RUNX1: variants seen among roughly 807,000 people sequenced by gnomAD.
RUNX1 encodes RUNX family transcription factor 1.
In RUNX1, 19 loss-of-function variants were observed where a neutral mutation model predicts 42.8. That is an observed-to-expected ratio of 0.44 (90% CI 0.31 to 0.65). RUNX1 has a LOEUF of 0.65. Among genes scored for constraint, RUNX1 ranks in the 30% least tolerant of loss-of-function variants. The probability of loss-of-function intolerance (pLI) is 0.07; values close to 1 mark genes in which losing one functional copy is unlikely to be tolerated. For missense variants in RUNX1, 528 were observed against 672.0 expected (o/e 0.79, Z 2.37); for synonymous variants, 271 against 289.4 (o/e 0.94, Z 0.64).
chr21:34,884,714 C>A (rs2057955094), intron 4 of RUNX1, among the ~76,000 whole-genome samples: 1 of 152,226 alleles, frequency 6.6e-6, no homozygotes, highest in Admixed American at 6.5e-5. Flanking sequence ...GAGCAGGTCT[C>A]CTCCAGGAAG....
chr21:34,797,361 C>T (rs1176684154), intron 8 of RUNX1, among the ~76,000 whole-genome samples: 2 of 152,196 alleles, frequency 1.3e-5, no homozygotes, highest in African/African-American at 4.8e-5. Context: ...CTTTGGAGTG[C>T]ACATGTTACT....
intron 2 of RUNX1, among the ~76,000 whole-genome samples, chr21:34,940,993 C>G (rs1381640873): frequency 1.3e-5 from 2 of 152,224 alleles, no homozygotes; most frequent in Non-Finnish European, 2.9e-5. Context: ...TTGTCACTGC[C>G]ATAGAAGAAT....
chr21:34,980,482 T>C (rs1365316654), intron 2 of RUNX1, among the ~76,000 whole-genome samples: 1 of 152,198 alleles, frequency 6.6e-6, no homozygotes, highest in Non-Finnish European at 1.5e-5. Flanking sequence ...GGCTTCACAC[T>C]TTTCCCGAAA....
At chr21:34,988,326 C>T (rs935343547) in intron 2 of RUNX1, among the ~76,000 whole-genome samples, 10 of 152,142 alleles carry the variant, frequency 6.6e-5, no homozygotes, top group Admixed American at 3.9e-4. Context: ...GCTGCACTTT[C>T]GAGGACACCA....
In RUNX1 at chr21:34,907,621, T is replaced by TGA. The variant is rs2058233652; in HGVS notation, c.59-14659_59-14658insTC. 6.6e-6 allele frequency among the ~76,000 whole-genome samples: 1 copy of TGA among 152,172 alleles called. No homozygotes were observed. Among genetic ancestry groups the TGA allele is most frequent in the Non-Finnish European group, 1.5e-5 (1 of 68,028 alleles). On this transcript the variant is annotated intron_variant, in intron 2 of 8. Coordinates refer to ENST00000675419, the MANE Select transcript of RUNX1 (RefSeq NM_001754.5). This position sits in a 1 kb window ranked among gnomAD's most constrained non-coding sequence, Gnocchi z 5.3. ...GGCTCCCTGTGACTCTCTGAAGTTC[T>TGA]CCTTTCTGTGCCTCCGCTTCCACCT... is the stretch of plus-strand genomic sequence containing the variant.
chr21:34,804,161 C>T (rs1034956544), intron 7 of RUNX1, among the ~76,000 whole-genome samples: 2 of 152,176 alleles, frequency 1.3e-5, no homozygotes, highest in African/African-American at 4.8e-5. Context: ...GATGAGAACA[C>T]TTAATGGTGA....
chr21:34,872,699 A>C (rs953586188), intron 5 of RUNX1, among the ~76,000 whole-genome samples: 1 of 152,180 alleles, frequency 6.6e-6, no homozygotes, highest in African/African-American at 2.4e-5. Context: ...CTGGAGCTAG[A>C]TGAGTTTCTC....
At chr21:34,950,774 C>T (rs1416313413) in intron 2 of RUNX1, among the ~76,000 whole-genome samples, 3 of 152,178 alleles carry the variant, frequency 2.0e-5, no homozygotes, top group African/African-American at 7.2e-5. Flanking sequence ...GACTTAGTTA[C>T]ATTTCAGAGA....
rs539914175 is a variant in RUNX1 at position 34,821,328 on chromosome 21, G to A, written c.805+13082C>T. 5.3e-5 allele frequency: 61 copies of A among 1,158,362 alleles called. No homozygotes were observed. In the South Asian group the frequency reaches 8.7e-4, roughly 16 times the overall value. The allele number at this position is 1,158,362 out of a possible 1,614,324, so 71.8% of individuals were successfully genotyped here. A position where few individuals can be genotyped will look rare whatever the true frequency, so the allele number is the denominator to read the frequency against. Reference sequence around the variant, plus strand: ...ATTTATTAAGTATTGAAAGTGTACCGGGATCCATGCTAAATATTTGATAAA... The same window carrying A: ...ATTTATTAAGTATTGAAAGTGTACCAGGATCCATGCTAAATATTTGATAAA... On this transcript the variant is annotated intron_variant, in intron 7 of 8. Coordinates refer to ENST00000675419, the MANE Select transcript of RUNX1 (RefSeq NM_001754.5).
At chr21:34,942,978 G>A (rs1175623287) in intron 2 of RUNX1, among the ~76,000 whole-genome samples, 1 of 152,208 alleles carries the variant, frequency 6.6e-6, no homozygotes, top group East Asian at 1.9e-4. Flanking sequence ...CTGCCTCCCT[G>A]TGTTGGGCTG....
chr21:34,823,449 T>TTTTTTTTTTG (rs2056940580), intron 7 of RUNX1, among the ~76,000 whole-genome samples: 3 of 51,260 alleles, frequency 5.9e-5, no homozygotes, highest in Non-Finnish European at 1.8e-4. Context: ...TTTTTTTTTT[T>TTTTTTTTTTG]TTTTTTTTTT....
intron 2 of RUNX1, among the ~76,000 whole-genome samples, chr21:34,981,451 C>A (rs1271702252): frequency 2.0e-5 from 3 of 152,098 alleles, no homozygotes; most frequent in Admixed American, 2.0e-4. Flanking sequence ...ATATGGAGTC[C>A]CTGGACCTAT....
intron 2 of RUNX1, among the ~76,000 whole-genome samples, chr21:34,960,360 C>A (rs546026862): frequency 3.3e-5 from 5 of 152,298 alleles, no homozygotes; most frequent in Admixed American, 3.3e-4. Context: ...GGCTCCCCTG[C>A]AAGATCCTCC....
intron 2 of RUNX1, among the ~76,000 whole-genome samples, chr21:34,977,548 T>A (rs933930144): frequency 6.6e-6 from 1 of 152,232 alleles, no homozygotes; most frequent in Non-Finnish European, 1.5e-5. Context: ...TATTACTACC[T>A]GCTTTTGCGG....
At chr21:34,956,107 T>C (rs1304351133) in intron 2 of RUNX1, among the ~76,000 whole-genome samples, 2 of 152,146 alleles carry the variant, frequency 1.3e-5, no homozygotes, top group African/African-American at 2.4e-5. Context: ...GTTTTTTCTG[T>C]TTAAGGGAGA....
intron 5 of RUNX1, 103 bp downstream of exon 5, chr21:34,880,454 G>A: frequency 9.2e-7 from 1 of 1,087,332 alleles, no homozygotes; most frequent in Non-Finnish European, 1.4e-6. Context: ...TGTTAAGACA[G>A]ACCGAGTTTC....
In RUNX1 at chr21:34,788,493, G is replaced by A. The variant is rs2056396161; in HGVS notation, c.*3642C>T. 1 of 232,910 alleles carries A rather than the reference G, an allele frequency of 4.3e-6. No individual in the cohort carries two copies. Among genetic ancestry groups the A allele is most frequent in the Non-Finnish European group, 8.5e-6 (1 of 117,742 alleles). 14.4% of individuals were successfully genotyped at this position (232,910 alleles called of 1,614,324 possible). ...AAGTCTAAAATAAACAAAGTAGAAA[G>A]AAGCATTTTTTTCCCTACAGTATTT... On this transcript the variant is annotated 3_prime_UTR_variant, in exon 9 of 9. Transcript: ENST00000675419.
intron 2 of RUNX1, among the ~76,000 whole-genome samples, chr21:34,930,257 C>CGT (rs1035351078): frequency 5.9e-5 from 5 of 85,012 alleles, no homozygotes; most frequent in African/African-American, 1.4e-4. Flanking sequence ...GTATATTATA[C>CGT]GTGTGTGTGT....
Position 34,907,065 on chromosome 21 carries a change from A to G in RUNX1, c.59-14102T>C, listed in dbSNP as rs1601555889. 6.6e-6 allele frequency among the ~76,000 whole-genome samples: 1 copy of G among 152,184 alleles called. No individual in the cohort carries two copies. Among genetic ancestry groups the G allele is most frequent in the Non-Finnish European group, 1.5e-5 (1 of 68,028 alleles). On this transcript the variant is annotated intron_variant, in intron 2 of 8. Transcript: ENST00000675419. The surrounding 1 kb of genome is among the most constrained non-coding windows in gnomAD (Gnocchi z 5.3). Reference sequence around the variant, plus strand: ...ATATTGTCATTAGTATTCATTATTCATGAGGACTTGATCGTGTATTCAAAG... The same window carrying G: ...ATATTGTCATTAGTATTCATTATTCGTGAGGACTTGATCGTGTATTCAAAG...
Sources: allele counts gnomAD v4.1 joint callset (sites outside exome capture counted in the v4.1 genomes callset), GRCh38; gene constraint gnomAD v4.1.1; non-coding constraint Gnocchi (gnomAD v3.1); transcripts MANE v1.5; gene names NCBI Gene and HGNC (gene_info 2026-07-23, HGNC 2026-07-21).